The following DNMBP variants were observed in gnomAD, a reference collection of about 807,000 sequenced individuals.
DNMBP encodes dynamin binding protein.
In DNMBP, 87 loss-of-function variants were observed where a neutral mutation model predicts 150.0. The ratio of observed to expected loss-of-function variants is 0.58; its 90% CI spans 0.49 to 0.69. The LOEUF (loss-of-function observed/expected upper bound fraction) is 0.69. Ranked by LOEUF, DNMBP falls within the 30% of genes least tolerant of loss-of-function variation. The pLI is 0.00. For missense variants in DNMBP, 1,774 were observed against 1,949.0 expected (o/e 0.91, Z 1.69); for synonymous variants, 711 against 750.4 (o/e 0.95, Z 0.86).
At position 99,896,263 on chromosome 10, in the gene DNMBP, T is replaced by A; in HGVS notation, c.3051+4A>T. On this transcript the variant is annotated splice_donor_region_variant and intron_variant, in intron 10 of 16. Transcript: ENST00000324109. ...CGCTAAGCCTTCCAGGATGGGGATCTCACCTGAGGAGCAAAGCCAGTGAGA... is the reference window on the plus strand; with the variant it reads ...CGCTAAGCCTTCCAGGATGGGGATCACACCTGAGGAGCAAAGCCAGTGAGA... 6.2e-7 allele frequency: 1 copy of A among 1,613,846 alleles called. No individual in the cohort carries two copies. Among genetic ancestry groups the A allele is most frequent in the Non-Finnish European group, 8.5e-7 (1 of 1,179,796 alleles).
chr10:99,947,210 G>C lies in DNMBP; in HGVS notation c.2260+8004C>G, dbSNP rs547994115. 2.6e-5 allele frequency among the ~76,000 whole-genome samples: 4 copies of C among 152,274 alleles called. No homozygotes were observed. The East Asian group carries it at 7.7e-4, about 29-fold the overall frequency. On this transcript the variant is annotated intron_variant, in intron 4 of 16. Coordinates refer to ENST00000324109, the MANE Select transcript of DNMBP (RefSeq NM_015221.4). ...ACTATCATTCGACTTAGCAATCCCA[G>C]TATTGGGTATATGCCCAAAGGAAAA...
chr10:100,002,056 C>A (rs2041019328), intron 1 of DNMBP, among the ~76,000 whole-genome samples: 1 of 152,010 alleles, frequency 6.6e-6, no homozygotes, highest in Non-Finnish European at 1.5e-5. Context: ...CCCAGAGAGC[C>A]AATCAAAGCA....
intron 4 of DNMBP, among the ~76,000 whole-genome samples, chr10:99,921,049 C>T (rs543181920): frequency 1.5e-3 from 228 of 152,294 alleles, no homozygotes; most frequent in African/African-American, 4.2e-3. Context: ...TAACCAGTTC[C>T]GCAAGGAACA....
At chr10:99,940,239 A>C (rs2040279892) in intron 4 of DNMBP, among the ~76,000 whole-genome samples, 1 of 152,218 alleles carries the variant, frequency 6.6e-6, no homozygotes, top group Non-Finnish European at 1.5e-5. Flanking sequence ...AGGGCAATCT[A>C]GCTTAGAGGT....
Position 99,877,385 on chromosome 10 carries a change from TCCAA to T in DNMBP, c.4549-53_4549-50del, listed in dbSNP as rs779297186. ...TGGGAAATTGCTGGGAGCAATGCCA[TCCAA>T]CAGCTTCGTGCGGTGTTGGGGAGGG... is the stretch of plus-strand genomic sequence containing the variant. On this transcript the variant is annotated intron_variant, in intron 16 of 16. Coordinates refer to ENST00000324109, the MANE Select transcript of DNMBP (RefSeq NM_015221.4). 3 of 1,495,118 alleles carry T rather than the reference TCCAA, an allele frequency of 2.0e-6. No individual in the cohort carries two copies. The South Asian group carries it at 3.8e-5, about 19-fold the overall frequency. The allele number at this position is 1,495,118 out of a possible 1,614,324, so 92.6% of individuals were successfully genotyped here.
chr10:99,969,209 A>G lies in DNMBP; in HGVS notation c.174T>C (p.Ile58=), dbSNP rs1237763492. Residue 58 remains isoleucine (I), a synonymous_variant, in exon 3 of 17, where the codon ATT becomes ATC. Coordinates refer to ENST00000324109, the MANE Select transcript of DNMBP (RefSeq NM_015221.4). The part of the protein sequence containing the change: ...TGQFPSSFVE[I]VTIPSLKEGE... ...CCTCTTTTAGACTGGGAATGGTCAC[A>G]ATTTCCACAAAACTGCTGGGGAATT... The G allele has an allele frequency of 6.2e-7, 1 of 1,613,960 alleles. No individual in the cohort carries two copies. Among genetic ancestry groups the G allele is most frequent in the Non-Finnish European group, 8.5e-7 (1 of 1,179,936 alleles).
intron 8 of DNMBP, among the ~76,000 whole-genome samples, 159 bp downstream of exon 8, chr10:99,898,584 A>C (rs2039693776): frequency 6.6e-6 from 1 of 152,182 alleles, no homozygotes; most frequent in Non-Finnish European, 1.5e-5. Context: ...CAGATAAGTA[A>C]AGTGTTCCCT....
At chr10:99,967,868 T>G (rs1481380303) in intron 3 of DNMBP, among the ~76,000 whole-genome samples, 1 of 152,204 alleles carries the variant, frequency 6.6e-6, no homozygotes, top group Non-Finnish European at 1.5e-5. Flanking sequence ...ACTACTGGTT[T>G]CTCTGTTTAT....
chr10:99,889,111 A>T, intron 11 of DNMBP, 158 bp from the exon 12 acceptor site: 1 of 789,174 alleles, frequency 1.3e-6, no homozygotes, highest in African/African-American at 1.7e-5. Flanking sequence ...GCATATTTTC[A>T]TAAACTATGA....
intron 5 of DNMBP, among the ~76,000 whole-genome samples, chr10:99,908,666 C>T (rs1186801087): frequency 1.3e-5 from 2 of 152,184 alleles, no homozygotes; most frequent in Non-Finnish European, 2.9e-5. Context: ...AGCAGGGCCA[C>T]GATTCAGACT....
In DNMBP at chr10:99,956,158, T is replaced by C. The variant is rs143123741; in HGVS notation, c.1316A>G (p.His439Arg). The change falls in exon 4 of 17, where the codon CAC becomes CGC. Residue 439 changes from histidine to arginine, a missense_variant. His to Arg is a conservative substitution (Grantham distance 29). Transcript: ENST00000324109. ...AAGAAGGTCGGGGTACTGTTCTGAG[T>C]GCGGGTGGCTCCCTCCCACTGTAGA... ...YYSTVGGSHP[H>R]SEQYPDLLPL... 2.5e-6 allele frequency: 4 copies of C among 1,613,958 alleles called. No individual in the cohort carries two copies. The highest frequency in any genetic ancestry group is 2.7e-5 in the African/African-American group (2 of 74,884).
intron 16 of DNMBP, 53 bp downstream of exon 16, chr10:99,879,758 A>C (rs1564711957): frequency 6.3e-7 from 1 of 1,598,530 alleles, no homozygotes; most frequent in African/African-American, 1.3e-5. Context: ...GCTGGTACCC[A>C]CAACACATCT....
chr10:99,972,190 T>C, intron 1 of DNMBP, 56 bp from the exon 2 acceptor site: 2 of 1,435,692 alleles, frequency 1.4e-6, no homozygotes, highest in Non-Finnish European at 1.9e-6. Context: ...CACTGCAATA[T>C]AGATCTATTT....
chr10:99,876,995 G>T lies in DNMBP; in HGVS notation c.*156C>A. On this transcript the variant is annotated 3_prime_UTR_variant, in exon 17 of 17. Coordinates refer to ENST00000324109, the MANE Select transcript of DNMBP (RefSeq NM_015221.4). ...GAGCATCAAGGTTTACAACCCAATCGAGGAGAACAAGATCTGTGGTGTGCT... is the reference window on the plus strand; with the variant it reads ...GAGCATCAAGGTTTACAACCCAATCTAGGAGAACAAGATCTGTGGTGTGCT... The T allele has an allele frequency of 1.7e-6, 1 of 581,334 alleles. No homozygotes were observed. The highest frequency in any genetic ancestry group is 2.9e-6 in the Non-Finnish European group (1 of 341,124). 36.0% of individuals were successfully genotyped at this position (581,334 alleles called of 1,614,324 possible).
At chr10:99,973,162 C>T (rs2040696421) in intron 1 of DNMBP, among the ~76,000 whole-genome samples, 1 of 152,160 alleles carries the variant, frequency 6.6e-6, no homozygotes, top group African/African-American at 2.4e-5. Context: ...GAACTCCTGG[C>T]TTCAGTGATC....
chr10:99,990,610 TAA>T (rs34272087), intron 1 of DNMBP, among the ~76,000 whole-genome samples: 90 of 104,214 alleles, frequency 8.6e-4, no homozygotes, highest in African/African-American at 1.8e-3. Flanking sequence ...AATTAATGAA[TAA>T]AAAAAAAAAA....
At position 99,892,118 on chromosome 10, in the gene DNMBP, T is replaced by G. The variant is rs1308142717; in HGVS notation, c.3156+2828A>C. Among the ~76,000 whole-genome samples the G allele has an allele frequency of 3.0e-5, 4 of 134,308 alleles. 1 individual carries two copies. The highest frequency in any genetic ancestry group is 6.2e-5 in the Non-Finnish European group (4 of 64,812). The allele number at this position is 134,308 out of a possible 152,430, so 88.1% of individuals were successfully genotyped here. ...GGCGCCTCTGCCCGGCCGCCCCTAC[T>G]GGGACGTGAAGAGCCCCTCTGCCCG... On this transcript the variant is annotated intron_variant, in intron 11 of 16. Coordinates refer to ENST00000324109, the MANE Select transcript of DNMBP (RefSeq NM_015221.4).
At position 99,899,902 on chromosome 10, in the gene DNMBP, G is replaced by A; in HGVS notation, c.2702+17C>T. On this transcript the variant is annotated intron_variant, in intron 7 of 16. Coordinates refer to ENST00000324109, the MANE Select transcript of DNMBP (RefSeq NM_015221.4). The stretch of plus-strand genomic sequence containing the variant: ...ACTAAAGAGCTGTAATGGAAGTTAA[G>A]TGGTCAAAACTCCTACTTCAGATCT... 1 of 1,613,976 alleles carries A rather than the reference G, an allele frequency of 6.2e-7. No homozygotes were observed. The highest frequency in any genetic ancestry group is 8.5e-7 in the Non-Finnish European group (1 of 1,179,882).
At chr10:99,915,068 T>C (rs1284488402) in intron 4 of DNMBP, among the ~76,000 whole-genome samples, 1 of 132,214 alleles carries the variant, frequency 7.6e-6, no homozygotes, top group Non-Finnish European at 1.5e-5. Context: ...CACTCCAGCC[T>C]GGGCAACAAG....
Sources: allele counts gnomAD v4.1 joint callset (sites outside exome capture counted in the v4.1 genomes callset), GRCh38; gene constraint gnomAD v4.1.1; transcripts MANE v1.5; gene names NCBI Gene and HGNC (gene_info 2026-07-23, HGNC 2026-07-21).